Variants in KIAA1549 observed in about 807,000 individuals in gnomAD.
The protein encoded by KIAA1549 is UPF0606 protein KIAA1549.
In KIAA1549, 70 loss-of-function variants were observed where a neutral mutation model predicts 156.4. The observed-to-expected ratio is 0.45, with a 90% CI of 0.37 to 0.55. The LOEUF is 0.55. KIAA1549 is among the 20% of genes least tolerant of loss of function. KIAA1549 has a pLI of 0.00. For synonymous variants in KIAA1549, 1,103 were observed against 1,066.4 expected (o/e 1.03, Z -0.67); for missense variants, 2,428 against 2,540.9 (o/e 0.96, Z 0.96).
At chr7:138,973,174 A>G (rs942754980) in intron 1 of KIAA1549, among the ~76,000 whole-genome samples, 1 of 152,196 alleles carries the variant, frequency 6.6e-6, no homozygotes, top group Non-Finnish European at 1.5e-5. Flanking sequence ...ATCAAGTCTA[A>G]AACATGTTTT....
chr7:138,915,772 G>C (rs1034205824), intron 2 of KIAA1549, among the ~76,000 whole-genome samples: 3 of 152,200 alleles, frequency 2.0e-5, no homozygotes, highest in Non-Finnish European at 4.4e-5. Flanking sequence ...ACAGAGGACA[G>C]GCTGCTCGTC....
At chr7:138,883,114 AAAAT>A (rs1811293181) in intron 10 of KIAA1549, among the ~76,000 whole-genome samples, 3 of 125,526 alleles carry the variant, frequency 2.4e-5, no homozygotes, top group African/African-American at 6.0e-5. Context: ...AAAAAAAAAA[AAAAT>A]TCAGCCAGAC....
chr7:138,865,632 T>A (rs1054183375), intron 15 of KIAA1549, among the ~76,000 whole-genome samples: 1 of 152,192 alleles, frequency 6.6e-6, no homozygotes, highest in African/African-American at 2.4e-5. Context: ...GCAAGCAGCC[T>A]CTGGGGTGGT....
rs1218075281 is a variant in KIAA1549 at position 138,879,528 on chromosome 7, A to G, written c.4345+10T>C. On this transcript the variant is annotated intron_variant, in intron 12 of 19. Transcript: ENST00000422774. The stretch of plus-strand genomic sequence containing the variant: ...TACTTTTAATGGGAAGAACCAGAAG[A>G]GTCACAGACCGCTCTGCGGAGCTCT... The G allele has an allele frequency of 6.6e-7, 1 of 1,523,316 alleles. No homozygotes were observed. The highest frequency in any genetic ancestry group is 1.2e-5 in the South Asian group (1 of 83,134). The allele number at this position is 1,523,316 out of a possible 1,614,324, so 94.4% of individuals were successfully genotyped here. A position where few individuals can be genotyped will look rare whatever the true frequency, so the allele number is the denominator to read the frequency against.
In KIAA1549 at chr7:138,918,766, G is replaced by A. The variant is rs369303006; in HGVS notation, c.860C>T (p.Ser287Phe). 4 of 1,613,914 alleles carry A rather than the reference G, an allele frequency of 2.5e-6. No homozygotes were observed. Among genetic ancestry groups the A allele is most frequent in the East Asian group, 2.2e-5 (1 of 44,868 alleles). Reference sequence around the variant, plus strand: ...GTCGCCTAACGGCTGTGGCATTAAAGACCGGGAGCTTAAAAAAAGGGTGGT... The same window carrying A: ...GTCGCCTAACGGCTGTGGCATTAAAAACCGGGAGCTTAAAAAAAGGGTGGT... ...VETTLFLSSRSLMPQPLGDGI... is the reference protein window; with the variant it reads ...VETTLFLSSRFLMPQPLGDGI... Residue 287 changes from serine (S) to phenylalanine (F), a missense_variant, in exon 2 of 20, where the codon TCT (serine) becomes TTT (phenylalanine). This residue lies in a region of KIAA1549 where 893 missense variants were observed against 847.9 expected (regional missense o/e 1.05). Coordinates refer to ENST00000422774, the MANE Select transcript of KIAA1549 (RefSeq NM_001164665.2). This position sits in a 1 kb window ranked among gnomAD's most constrained non-coding sequence, Gnocchi z 4.2.
intron 1 of KIAA1549, among the ~76,000 whole-genome samples, chr7:138,963,899 C>G (rs931318675): frequency 6.6e-6 from 1 of 151,876 alleles, no homozygotes; most frequent in Non-Finnish European, 1.5e-5. Context: ...TGATCCAGGA[C>G]GTGATAAAAG....
intron 4 of KIAA1549, 46 bp downstream of exon 4, chr7:138,911,100 T>A (rs775728390): frequency 2.1e-5 from 25 of 1,195,036 alleles, no homozygotes; most frequent in Admixed American, 3.1e-5. Flanking sequence ...AAAAAAAAAA[T>A]GAAATTCTTT....
intron 15 of KIAA1549, among the ~76,000 whole-genome samples, chr7:138,862,738 G>A (rs978667877): frequency 6.6e-6 from 1 of 151,992 alleles, no homozygotes; most frequent in Non-Finnish European, 1.5e-5. Context: ...CGAGACCAGC[G>A]TGGCCAACAT....
At chr7:138,859,008 A>AACACACACACACACACAC (rs57352970) in intron 16 of KIAA1549, among the ~76,000 whole-genome samples, 3 of 142,260 alleles carry the variant, frequency 2.1e-5, no homozygotes, top group Admixed American at 7.0e-5. Flanking sequence ...TCCATCTCAA[A>AACACACACACACACACAC]ACACACACAC....
Position 138,918,833 on chromosome 7 carries a change from T to A in KIAA1549, c.793A>T (p.Thr265Ser). The change falls in exon 2 of 20, where the codon ACT (threonine) becomes TCT (serine). Residue 265 changes from threonine to serine, a missense_variant. Thr to Ser is a moderately conservative substitution (Grantham distance 58). Coordinates refer to ENST00000422774, the MANE Select transcript of KIAA1549 (RefSeq NM_001164665.2). The surrounding 1 kb of genome is among the most constrained non-coding windows in gnomAD (Gnocchi z 4.2). Reference protein sequence around the residue: ...TDAYSHLSSRTLPEIVASLTE... With the variant: ...TDAYSHLSSRSLPEIVASLTE... The stretch of plus-strand genomic sequence containing the variant: ...AGGGAAGCCACAATCTCTGGCAGAG[T>A]CCTGCTTGATAAATGACTGTAAGCA... 3 of 1,613,806 alleles carry A rather than the reference T, an allele frequency of 1.9e-6. No homozygotes were observed. The highest frequency in any genetic ancestry group is 2.2e-5 in the East Asian group (1 of 44,860).
rs185695096 is a variant in KIAA1549, at chr7:138,911,239, T to A, written c.3052A>T (p.Ile1018Leu). The change falls in exon 4 of 20, where the codon ATA (isoleucine) becomes TTA (leucine). Residue 1018 changes from isoleucine to leucine, a missense_variant. Ile to Leu is a conservative substitution (Grantham distance 5). This residue lies in a region of KIAA1549 where 762 missense variants were observed against 901.6 expected (regional missense o/e 0.85). Coordinates refer to ENST00000422774, the MANE Select transcript of KIAA1549 (RefSeq NM_001164665.2). ...TGGTCACGGACAAGCTTACTGTTTATAAGCACATTTATGACGGATATTGCC... is the reference window on the plus strand; with the variant it reads ...TGGTCACGGACAAGCTTACTGTTTAAAAGCACATTTATGACGGATATTGCC... ...YTAISVINVLINSKLVRDQTP... is the reference protein window; with the variant it reads ...YTAISVINVLLNSKLVRDQTP... 1,733 of 1,603,150 alleles carry A rather than the reference T, an allele frequency of 1.1e-3. 9 individuals carry two copies. The African/African-American group carries it at 0.016, about 15-fold the overall frequency.
At chr7:138,877,906 A>T (rs1333812690) in intron 12 of KIAA1549, among the ~76,000 whole-genome samples, 2 of 152,160 alleles carry the variant, frequency 1.3e-5, no homozygotes, top group African/African-American at 2.4e-5. Flanking sequence ...CTGTAATACC[A>T]TCAGAAGGCA....
intron 12 of KIAA1549, 44 bp from the exon 13 acceptor site, chr7:138,871,406 A>C (rs1229947706): frequency 5.5e-6 from 8 of 1,456,882 alleles, no homozygotes; most frequent in African/African-American, 1.4e-5. Flanking sequence ...AAGTCATCTA[A>C]AGAAACAGCA....
chr7:138,907,144 T>A, intron 5 of KIAA1549, 42 bp from the exon 6 acceptor site: 2 of 1,412,256 alleles, frequency 1.4e-6, no homozygotes, highest in East Asian at 2.6e-5. Context: ...AATAAAACAT[T>A]CTGCTGAAAG....
At position 138,871,345 on chromosome 7, in the gene KIAA1549, A is replaced by C. The variant is rs546686008; in HGVS notation, c.4363T>G (p.Ser1455Ala). Residue 1455 changes from serine (S) to alanine (A), a missense_variant, in exon 13 of 20, where the codon TCG becomes GCG. By Grantham distance (99) the Ser-to-Ala change is moderately conservative (BLOSUM62 1). Around this residue, in one of 5 missense-constraint regions of KIAA1549, gnomAD observed 404 missense variants for 417.0 expected, o/e 0.97. Transcript: ENST00000422774. ...APQSGPPLPS[S>A]GNEQHSSASI... is the part of the protein sequence containing the mutation. ...GCTGATGAGTGCTGCTCATTTCCCG[A>C]ACTGGGCAGTGGTGGCCCTGGAACA... is the stretch of plus-strand genomic sequence containing the variant. 3.2e-6 allele frequency: 5 copies of C among 1,557,894 alleles called. No homozygotes were observed. The South Asian group carries it at 4.9e-5, about 15-fold the overall frequency.
chr7:138,930,019 T>C (rs1812827498), intron 1 of KIAA1549, among the ~76,000 whole-genome samples: 1 of 152,200 alleles, frequency 6.6e-6, no homozygotes, highest in Non-Finnish European at 1.5e-5. Context: ...AAAGTCAAAA[T>C]TACTCTTGAT....
intron 1 of KIAA1549, among the ~76,000 whole-genome samples, chr7:138,962,723 C>A (rs1163767281): frequency 6.6e-6 from 1 of 152,120 alleles, no homozygotes; most frequent in East Asian, 1.9e-4. Flanking sequence ...ATTATCCATC[C>A]GAGACCTGTC....
At chr7:138,861,105 G>C (rs562655484) in intron 16 of KIAA1549, 34 bp downstream of exon 16, 1,301 of 1,603,800 alleles carry the variant, frequency 8.1e-4, no homozygotes, top group Non-Finnish European at 1.0e-3. Context: ...TCAACATCTT[G>C]CCCATCAGAG....
chr7:138,955,948 C>T (rs1813651592), intron 1 of KIAA1549, among the ~76,000 whole-genome samples: 2 of 152,092 alleles, frequency 1.3e-5, no homozygotes, highest in East Asian at 3.9e-4. Context: ...GGCTGGAGTG[C>T]AGTGGTGCGA....
Sources: allele counts gnomAD v4.1 joint callset (sites outside exome capture counted in the v4.1 genomes callset), GRCh38; gene constraint gnomAD v4.1.1; regional missense constraint gnomAD v4.1.1; non-coding constraint Gnocchi (gnomAD v3.1); transcripts MANE v1.5; gene names NCBI Gene and HGNC (gene_info 2026-07-23, HGNC 2026-07-21).